XIRP2: variants seen among roughly 807,000 people sequenced by gnomAD.
The protein encoded by XIRP2 is xin actin binding repeat containing 2.
Under a neutral mutation model 277.0 loss-of-function variants are expected in XIRP2, and 236 were observed. The observed-to-expected ratio is 0.85, with a 90% CI of 0.77 to 0.95. XIRP2 has a LOEUF of 0.95. Among genes scored for constraint, XIRP2 ranks in the 40% least tolerant of loss-of-function variants. The pLI is 0.00. For missense variants in XIRP2, 4,640 were observed against 4,157.5 expected (o/e 1.12, Z -3.19); for synonymous variants, 1,490 against 1,416.5 (o/e 1.05, Z -1.17).
At chr2:167,148,472 A>T (rs1403539902) in intron 3 of XIRP2, among the ~76,000 whole-genome samples, 1 of 139,728 alleles carries the variant, frequency 7.2e-6, no homozygotes, top group Non-Finnish European at 1.6e-5. Context: ...GAAGGCAGGG[A>T]TGGAAGGAGG....
chr2:166,949,796 T>C (rs1685979267), intron 2 of XIRP2, among the ~76,000 whole-genome samples: 1 of 152,116 alleles, frequency 6.6e-6, no homozygotes, highest in Admixed American at 6.6e-5. Context: ...ATAAAGTTCC[T>C]TGAACTTAAT....
rs1259056453 is a variant in XIRP2 at position 167,153,557 on chromosome 2, A to G, written c.562+17495A>G. Among the ~76,000 whole-genome samples, 3 of 142,634 alleles carry G rather than the reference A, an allele frequency of 2.1e-5. No individual in the cohort carries two copies. The Admixed American group carries it at 2.1e-4, about 10-fold the overall frequency. The allele number at this position is 142,634 out of a possible 152,430, so 93.6% of individuals were successfully genotyped here. ...ATATCTCCTAAAGCTATCCCTCCCC[A>G]CTCCCCCCACCCCACAACAGTCCCC... On this transcript the variant is annotated intron_variant, in intron 3 of 10. Coordinates refer to ENST00000409195, the MANE Select transcript of XIRP2 (RefSeq NM_152381.6).
chr2:167,032,606 A>T (rs1426068399), intron 2 of XIRP2, among the ~76,000 whole-genome samples: 3 of 152,196 alleles, frequency 2.0e-5, no homozygotes, highest in African/African-American at 7.2e-5. Flanking sequence ...TTTACAAGAA[A>T]AAAACAACCC....
intron 2 of XIRP2, among the ~76,000 whole-genome samples, chr2:167,074,430 AC>A: frequency 6.6e-6 from 1 of 152,216 alleles, no homozygotes; most frequent in East Asian, 1.9e-4. Flanking sequence ...TATTTTCAAT[AC>A]AAAATATTAT....
At chr2:167,001,226 G>A (rs1687359659) in intron 2 of XIRP2, among the ~76,000 whole-genome samples, 1 of 152,056 alleles carries the variant, frequency 6.6e-6, no homozygotes, top group South Asian at 2.1e-4. Context: ...AGCACTAAAA[G>A]TATCATCAAT....
chr2:166,961,587 T>G (rs1315592879), intron 2 of XIRP2, among the ~76,000 whole-genome samples: 1 of 151,736 alleles, frequency 6.6e-6, no homozygotes, highest in Non-Finnish European at 1.5e-5. Context: ...ATAATCTTGA[T>G]CAAATATGTC....
At chr2:167,082,889 A>G (rs992173866) in intron 2 of XIRP2, among the ~76,000 whole-genome samples, 9 of 152,026 alleles carry the variant, frequency 5.9e-5, no homozygotes, top group African/African-American at 1.7e-4. Flanking sequence ...CCCATTTTGT[A>G]GGTTGCCTGT....
intron 2 of XIRP2, among the ~76,000 whole-genome samples, chr2:167,026,310 A>T (rs1395974363): frequency 6.6e-6 from 1 of 151,962 alleles, no homozygotes; most frequent in Admixed American, 6.6e-5. Context: ...TTTGCTTGGT[A>T]GATCTTCCTC....
At chr2:167,183,827 A>G (rs756843879) in intron 3 of XIRP2, among the ~76,000 whole-genome samples, 6 of 152,116 alleles carry the variant, frequency 3.9e-5, no homozygotes, top group Non-Finnish European at 8.8e-5. Flanking sequence ...AGCAGGGTGT[A>G]TTCAAAAACA....
Position 167,241,876 on chromosome 2 carries a change from A to T in XIRP2, c.1142A>T (p.Asp381Val). The T allele has an allele frequency of 6.2e-7, 1 of 1,613,442 alleles. No homozygotes were observed. The highest frequency in any genetic ancestry group is 8.5e-7 in the Non-Finnish European group (1 of 1,179,658). ...GCCCAGGAAAAGATCCTTTATTCTGACAAAGAGATGACAACCCCAGCCAAG... is the reference window on the plus strand; with the variant it reads ...GCCCAGGAAAAGATCCTTTATTCTGTCAAAGAGATGACAACCCCAGCCAAG... The part of the protein sequence containing the change: ...KSAQEKILYS[D>V]KEMTTPAKQI... The change falls in exon 8 of 11, where the codon GAC becomes GTC. Residue 381 changes from aspartate to valine, a missense_variant. Asp to Val is a radical substitution (Grantham distance 152). Transcript: ENST00000409195.
intron 2 of XIRP2, among the ~76,000 whole-genome samples, chr2:167,000,579 C>G (rs978556126): frequency 6.7e-6 from 1 of 149,688 alleles, no homozygotes; most frequent in South Asian, 2.1e-4. Flanking sequence ...AGAAAAAAAA[C>G]ATGTTTCTTT....
chr2:167,101,936 T>G (rs1690498451), intron 2 of XIRP2, among the ~76,000 whole-genome samples: 1 of 152,178 alleles, frequency 6.6e-6, no homozygotes, highest in African/African-American at 2.4e-5. Flanking sequence ...ATGTGGCACC[T>G]CTTAAACTTC....
intron 3 of XIRP2, among the ~76,000 whole-genome samples, chr2:167,200,515 A>G (rs971745188): frequency 6.6e-6 from 1 of 152,246 alleles, no homozygotes. Context: ...TTACATTTCC[A>G]GTGGACTTTC....
rs775728866 is a variant in XIRP2, at chr2:167,258,433, T to C, written c.*616T>C. Reference sequence around the variant, plus strand: ...TGAAAATGCCTGAAGGAAGAAAAGATGAAAAGAAGGAAGGAAGGAAGAATG... The same window carrying C: ...TGAAAATGCCTGAAGGAAGAAAAGACGAAAAGAAGGAAGGAAGGAAGAATG... On this transcript the variant is annotated 3_prime_UTR_variant, in exon 11 of 11. Transcript: ENST00000409195. The C allele has an allele frequency of 1.1e-5, 17 of 1,612,696 alleles. No homozygotes were observed. The highest frequency in any genetic ancestry group is 2.2e-5 in the South Asian group (2 of 91,050).
At chr2:167,009,153 G>T (rs916055266) in intron 2 of XIRP2, among the ~76,000 whole-genome samples, 1 of 151,434 alleles carries the variant, frequency 6.6e-6, no homozygotes, top group Non-Finnish European at 1.5e-5. Context: ...CTGCTGGTGT[G>T]CTGCATCCAT....
intron 3 of XIRP2, among the ~76,000 whole-genome samples, chr2:167,198,946 G>A (rs758902220): frequency 6.6e-6 from 1 of 152,128 alleles, no homozygotes; most frequent in Non-Finnish European, 1.5e-5. Flanking sequence ...AAAGACTTGA[G>A]ATCATTGAAA....
intron 2 of XIRP2, among the ~76,000 whole-genome samples, chr2:167,006,613 G>A (rs948087678): frequency 4.6e-5 from 7 of 151,700 alleles, no homozygotes; most frequent in African/African-American, 9.7e-5. Context: ...GCAGGAAATG[G>A]CACCAGATTA....
In XIRP2 at chr2:167,247,968, A is replaced by C. The variant is rs1402363109; in HGVS notation, c.6576A>C (p.Thr2192=). 1.9e-6 allele frequency: 3 copies of C among 1,608,990 alleles called. No individual in the cohort carries two copies. The highest frequency in any genetic ancestry group is 2.7e-5 in the African/African-American group (2 of 74,388). The change falls in exon 9 of 11, where the codon ACA becomes ACC. Residue 2192 remains threonine (T), a synonymous_variant. Transcript: ENST00000409195. ...FQKQTLLKQE[T]KYSNKDIKKK... ...AGCAAACTTTGTTAAAGCAAGAAACAAAATATTCTAATAAGGATATAAAGA... is the reference window on the plus strand; with the variant it reads ...AGCAAACTTTGTTAAAGCAAGAAACCAAATATTCTAATAAGGATATAAAGA...
intron 5 of XIRP2, among the ~76,000 whole-genome samples, chr2:167,226,299 C>T (rs1219632153): frequency 1.3e-5 from 2 of 152,294 alleles, no homozygotes; most frequent in Non-Finnish European, 1.5e-5. Flanking sequence ...GGCGCTGCTT[C>T]CTTGCCATTT....
Sources: gnomAD v4.1 joint callset for allele counts (sites outside exome capture counted in the v4.1 genomes callset) on GRCh38, gnomAD v4.1.1 for gene constraint, MANE v1.5 for transcripts, NCBI Gene and HGNC (gene_info 2026-07-23, HGNC 2026-07-21) for gene names.